DGKI: variants seen among roughly 807,000 people sequenced by gnomAD.
DGKI encodes DAG kinase iota.
In DGKI, 55 loss-of-function variants were observed where a neutral mutation model predicts 147.5. The ratio of observed to expected loss-of-function variants is 0.37; its 90% CI spans 0.30 to 0.47. DGKI has a LOEUF of 0.47. Among genes scored for constraint, DGKI ranks in the 20% least tolerant of loss-of-function variants. DGKI has a pLI of 1.00. For synonymous variants in DGKI, 469 were observed against 477.1 expected (o/e 0.98, Z 0.22); for missense variants, 1,007 against 1,323.8 (o/e 0.76, Z 3.71).
chr7:137,779,969 T>C (rs1236865468), intron 1 of DGKI, among the ~76,000 whole-genome samples: 1 of 152,216 alleles, frequency 6.6e-6, no homozygotes, highest in Non-Finnish European at 1.5e-5. Flanking sequence ...TGAGTCTGAC[T>C]GCTATTCAGG....
At chr7:137,731,095 G>T (rs1381174687) in intron 1 of DGKI, among the ~76,000 whole-genome samples, 1 of 151,924 alleles carries the variant, frequency 6.6e-6, no homozygotes, top group Non-Finnish European at 1.5e-5. Context: ...CTACCACGGG[G>T]CCTTCACACC....
intron 1 of DGKI, among the ~76,000 whole-genome samples, chr7:137,742,886 C>T (rs778005329): frequency 1.3e-5 from 2 of 152,056 alleles, no homozygotes. Flanking sequence ...TTATTACAGT[C>T]AAAGCATCTA....
intron 1 of DGKI, among the ~76,000 whole-genome samples, chr7:137,723,555 T>C (rs1436018006): frequency 1.3e-5 from 2 of 152,084 alleles, no homozygotes; most frequent in African/African-American, 2.4e-5. Context: ...ATGCCCCCGC[T>C]TGAGATAGCT....
At chr7:137,654,278 T>C (rs1822140482) in intron 5 of DGKI, among the ~76,000 whole-genome samples, 1 of 152,196 alleles carries the variant, frequency 6.6e-6, no homozygotes, top group Non-Finnish European at 1.5e-5. Context: ...AGGCTGGTTT[T>C]GAAAGCAGAC....
In DGKI at chr7:137,793,394, G is replaced by A. The variant is rs7792886; in HGVS notation, c.401+53068C>T. Reference sequence around the variant, plus strand: ...CAGCTCACTGCAACCTCCACCTCCCGGGTTCAAGCGAGTCTCCTGCCTCAG... The same window carrying A: ...CAGCTCACTGCAACCTCCACCTCCCAGGTTCAAGCGAGTCTCCTGCCTCAG... On this transcript the variant is annotated intron_variant, in intron 1 of 32. Coordinates refer to ENST00000614521, the MANE Select transcript of DGKI (RefSeq NM_001321708.2). 2.3e-3 allele frequency among the ~76,000 whole-genome samples: 355 copies of A among 151,332 alleles called. 2 individuals are homozygous for A. Among genetic ancestry groups the A allele is most frequent in the African/African-American group, 8.3e-3 (342 of 41,194 alleles).
intron 1 of DGKI, among the ~76,000 whole-genome samples, chr7:137,789,389 C>T (rs1796777171): frequency 6.6e-6 from 1 of 152,092 alleles, no homozygotes; most frequent in South Asian, 2.1e-4. Context: ...TTTTAGCATC[C>T]GTAATGGGAT....
At chr7:137,707,284 G>A (rs1794067919) in intron 1 of DGKI, among the ~76,000 whole-genome samples, 1 of 152,210 alleles carries the variant, frequency 6.6e-6, no homozygotes, top group Non-Finnish European at 1.5e-5. Flanking sequence ...AAAAGGCAGT[G>A]TCCTCAACTG....
At chr7:137,585,541 C>T (rs2128983085) in intron 13 of DGKI, among the ~76,000 whole-genome samples, 195 bp from the exon 14 acceptor site, 1 of 152,266 alleles carries the variant, frequency 6.6e-6, no homozygotes, top group East Asian at 1.9e-4. Context: ...AACACTAGTT[C>T]TGGCTGGTTT....
chr7:137,755,729 C>A (rs1350525197), intron 1 of DGKI, among the ~76,000 whole-genome samples: 2 of 152,076 alleles, frequency 1.3e-5, no homozygotes, highest in African/African-American at 4.8e-5. Flanking sequence ...TCAGATACAG[C>A]CTGGAGGATA....
intron 1 of DGKI, among the ~76,000 whole-genome samples, chr7:137,807,255 A>T (rs1477596778): frequency 6.6e-6 from 1 of 152,228 alleles, no homozygotes; most frequent in African/African-American, 2.4e-5. Context: ...GGCATTTCAA[A>T]AACCTTCACC....
At position 137,398,897 on chromosome 7, in the gene DGKI, G is replaced by A. The variant is rs181721912; in HGVS notation, c.2921-1484C>T. Among the ~76,000 whole-genome samples the A allele has an allele frequency of 9.9e-5, 15 of 151,928 alleles. No individual in the cohort carries two copies. In the East Asian group the frequency reaches 2.9e-3, roughly 30 times the overall value. On this transcript the variant is annotated intron_variant, in intron 30 of 32. Coordinates refer to ENST00000614521, the MANE Select transcript of DGKI (RefSeq NM_001321708.2). ...AGGTCTTATATCATCTAGATTTCTA[G>A]GTTTCCAATACATCATATCTACTGC... is the stretch of plus-strand genomic sequence containing the variant.
chr7:137,573,778 C>T (rs748745179), intron 17 of DGKI, among the ~76,000 whole-genome samples: 1 of 152,198 alleles, frequency 6.6e-6, no homozygotes, highest in Non-Finnish European at 1.5e-5. Context: ...CTCAGCCTAG[C>T]TTGGCCTCAA....
intron 6 of DGKI, among the ~76,000 whole-genome samples, chr7:137,643,862 T>C (rs896380503): frequency 6.6e-6 from 1 of 152,172 alleles, no homozygotes; most frequent in African/African-American, 2.4e-5. Flanking sequence ...ATGGCTTACA[T>C]TATTGAGGTG....
intron 1 of DGKI, among the ~76,000 whole-genome samples, chr7:137,832,636 T>C (rs951771867): frequency 6.6e-6 from 1 of 152,200 alleles, no homozygotes; most frequent in Non-Finnish European, 1.5e-5. Context: ...GGGACAGCCA[T>C]AAAGACCTCT....
intron 28 of DGKI, among the ~76,000 whole-genome samples, chr7:137,442,995 G>T (rs1254831124): frequency 6.6e-6 from 1 of 152,162 alleles, no homozygotes; most frequent in Admixed American, 6.5e-5. Context: ...AAAAGAAGTA[G>T]CATCCTGTCA....
intron 1 of DGKI, among the ~76,000 whole-genome samples, chr7:137,775,274 G>A (rs1047854188): frequency 2.6e-5 from 4 of 152,254 alleles, no homozygotes; most frequent in South Asian, 2.1e-4. Flanking sequence ...TGGGAGGACC[G>A]TAATGAAACA....
In DGKI at chr7:137,769,916, G is replaced by A. The variant is rs377701300; in HGVS notation, c.401+76546C>T. Among the ~76,000 whole-genome samples, 73 of 152,306 alleles carry A rather than the reference G, an allele frequency of 4.8e-4. 1 individual carries two copies. The South Asian group carries it at 5.4e-3, about 11-fold the overall frequency. ...CAACCATTGTGGAAGCCAGTGTGGC[G>A]ATTCCTCAAGGATCTAGAACCAGAA... On this transcript the variant is annotated intron_variant, in intron 1 of 32. Coordinates refer to ENST00000614521, the MANE Select transcript of DGKI (RefSeq NM_001321708.2).
chr7:137,485,891 G>A (rs772242768), intron 22 of DGKI, among the ~76,000 whole-genome samples: 1 of 152,100 alleles, frequency 6.6e-6, no homozygotes, highest in Non-Finnish European at 1.5e-5. Flanking sequence ...GCAAATAGGG[G>A]TTTTCATAGA....
intron 21 of DGKI, among the ~76,000 whole-genome samples, chr7:137,499,506 C>T (rs1056427473): frequency 7.2e-5 from 11 of 152,112 alleles, no homozygotes; most frequent in Admixed American, 7.2e-4. Context: ...GTCATCGTGT[C>T]ATCCAATCTG....
Sources: allele counts gnomAD v4.1 joint callset (sites outside exome capture counted in the v4.1 genomes callset), GRCh38; gene constraint gnomAD v4.1.1; transcripts MANE v1.5; gene names NCBI Gene and HGNC (gene_info 2026-07-23, HGNC 2026-07-21).